The following PCDH9 variants were observed in gnomAD, a reference collection of about 807,000 sequenced individuals.
The protein encoded by PCDH9 is protocadherin 9.
In PCDH9, 24 loss-of-function variants were observed where a neutral mutation model predicts 70.6. The observed-to-expected ratio is 0.34, with a 90% confidence interval of 0.25 to 0.48. The LOEUF (loss-of-function observed/expected upper bound fraction) is 0.48. PCDH9 is among the 20% of genes least tolerant of loss of function. PCDH9 has a pLI of 0.99. For missense variants in PCDH9, 1,281 were observed against 1,503.6 expected (o/e 0.85, Z 2.45); for synonymous variants, 562 against 558.5 (o/e 1.01, Z -0.09).
intron 3 of PCDH9, among the ~76,000 whole-genome samples, chr13:66,878,541 TA>T (rs1310483530): frequency 6.6e-6 from 1 of 152,128 alleles, no homozygotes; most frequent in Non-Finnish European, 1.5e-5. Context: ...CTAATTTTTT[TA>T]AAAAGAAAAA....
intron 3 of PCDH9, among the ~76,000 whole-genome samples, chr13:66,845,680 C>CA (rs2081195629): frequency 6.6e-6 from 1 of 152,122 alleles, no homozygotes; most frequent in African/African-American, 2.4e-5. Flanking sequence ...GACACAGTGC[C>CA]AACTGCACCT....
chr13:66,630,043 A>G (rs1315156634), intron 4 of PCDH9, among the ~76,000 whole-genome samples: 1 of 152,276 alleles, frequency 6.6e-6, no homozygotes, highest in East Asian at 1.9e-4. Context: ...AAACAATAAG[A>G]AGCAAAATAG....
At chr13:66,485,280 C>CT (rs1179087737) in intron 4 of PCDH9, among the ~76,000 whole-genome samples, 5 of 152,098 alleles carry the variant, frequency 3.3e-5, no homozygotes, top group Non-Finnish European at 5.9e-5. Context: ...CCTTCACAGT[C>CT]TTTTCATGTA....
Position 67,225,587 on chromosome 13 carries a change from G to C in PCDH9, c.2854C>G (p.Pro952Ala), listed in dbSNP as rs1457669813. The C allele has an allele frequency of 6.2e-7, 1 of 1,614,008 alleles. No homozygotes were observed. Among genetic ancestry groups the C allele is most frequent in the Non-Finnish European group, 8.5e-7 (1 of 1,180,014 alleles). Residue 952 changes from proline to alanine, a missense_variant, in exon 2 of 5, where the codon CCA becomes GCA. Physicochemically the swap from Pro to Ala is conservative, Grantham distance 27. Around this residue, in one of 4 missense-constraint regions of PCDH9, gnomAD observed 207 missense variants for 191.8 expected, o/e 1.08. Transcript: ENST00000377865. ...ASPQPAFHLKPDTPVSVKKHH... is the reference protein window; with the variant it reads ...ASPQPAFHLKADTPVSVKKHH... ...TTTTTCACGGAAACTGGAGTGTCTG[G>C]TTTGAGATGAAAAGCAGGCTGTGGA... is the stretch of plus-strand genomic sequence containing the variant.
chr13:66,325,735 T>C (rs554035673), intron 4 of PCDH9, among the ~76,000 whole-genome samples: 37 of 151,158 alleles, frequency 2.4e-4, no homozygotes, highest in Non-Finnish European at 2.5e-4. Context: ...AGGTCACTCT[T>C]ATTTTATTCA....
intron 4 of PCDH9, among the ~76,000 whole-genome samples, chr13:66,461,615 A>G (rs1958427098): frequency 6.6e-6 from 1 of 151,544 alleles, no homozygotes; most frequent in Non-Finnish European, 1.5e-5. Context: ...AGATACCATG[A>G]CATTAAAGCA....
intron 2 of PCDH9, among the ~76,000 whole-genome samples, chr13:67,068,894 C>T (rs899221401): frequency 1.3e-5 from 2 of 152,186 alleles, no homozygotes; most frequent in African/African-American, 2.4e-5. Context: ...TCACATGTTA[C>T]TTTCTTGTCA....
chr13:67,054,515 T>C (rs2085381274), intron 2 of PCDH9, among the ~76,000 whole-genome samples: 1 of 152,204 alleles, frequency 6.6e-6, no homozygotes, highest in African/African-American at 2.4e-5. Flanking sequence ...CCTCAGAAAT[T>C]AGATAAATTA....
chr13:67,099,724 C>G (rs1454709197), intron 2 of PCDH9, among the ~76,000 whole-genome samples: 1 of 152,136 alleles, frequency 6.6e-6, no homozygotes, highest in Admixed American at 6.6e-5. Flanking sequence ...GGCTGACACT[C>G]CGGCCCAGAT....
At chr13:66,404,880 A>T (rs267329) in intron 4 of PCDH9, among the ~76,000 whole-genome samples, 147,645 of 152,276 alleles carry the variant, frequency 0.97, 71,623 homozygotes, top group Non-Finnish European at 0.99. Context: ...TGGGAATTGT[A>T]GAAACATTCC....
chr13:66,779,841 C>A (rs1205466352), intron 3 of PCDH9, among the ~76,000 whole-genome samples: 274 of 26,096 alleles, frequency 0.01, 1 homozygote, highest in South Asian at 0.039. Context: ...CTCTCTCTCT[C>A]TCTCTCTCTA....
intron 4 of PCDH9, among the ~76,000 whole-genome samples, chr13:66,629,602 T>C (rs778455653): frequency 6.6e-5 from 10 of 152,202 alleles, no homozygotes; most frequent in Non-Finnish European, 8.8e-5. Flanking sequence ...GGTTTTTTCC[T>C]TGGGTATGTC....
At chr13:67,189,094 T>G (rs2088839380) in intron 2 of PCDH9, among the ~76,000 whole-genome samples, 1 of 151,782 alleles carries the variant, frequency 6.6e-6, no homozygotes, top group African/African-American at 2.4e-5. Context: ...TCCAATCCCA[T>G]CCAGGTTGCT....
At chr13:67,165,963 A>T (rs2088105235) in intron 2 of PCDH9, among the ~76,000 whole-genome samples, 1 of 152,212 alleles carries the variant, frequency 6.6e-6, no homozygotes, top group South Asian at 2.1e-4. Flanking sequence ...AGATGTATCT[A>T]TTACAAGTAA....
intron 4 of PCDH9, among the ~76,000 whole-genome samples, chr13:66,382,924 C>G (rs9599108): frequency 2.6e-5 from 4 of 151,916 alleles, no homozygotes; most frequent in Non-Finnish European, 5.9e-5. Flanking sequence ...CCCAGCTATT[C>G]GGGAGGCTGA....
chr13:66,772,812 T>C (rs562166651), intron 3 of PCDH9, among the ~76,000 whole-genome samples: 29 of 152,224 alleles, frequency 1.9e-4, no homozygotes, highest in Non-Finnish European at 3.2e-4. Context: ...AGCATACCAA[T>C]GTCACTGGGC....
chr13:66,782,757 G>C (rs1358995687), intron 3 of PCDH9: 1 of 151,984 alleles, frequency 6.6e-6, no homozygotes, highest in Non-Finnish European at 1.5e-5. Context: ...CATTGGTCTG[G>C]AGTTTATTCA....
chr13:66,888,452 G>T (rs1396800567), intron 3 of PCDH9, among the ~76,000 whole-genome samples: 1 of 151,544 alleles, frequency 6.6e-6, no homozygotes, highest in Non-Finnish European at 1.5e-5. Context: ...AGGCTGCAGT[G>T]AGCCATGATC....
intron 4 of PCDH9, among the ~76,000 whole-genome samples, chr13:66,324,516 A>G (rs1185519989): frequency 6.6e-6 from 1 of 152,046 alleles, no homozygotes; most frequent in Admixed American, 6.6e-5. Flanking sequence ...AGTTATTGAT[A>G]GAGAATATTA....
Sources: allele counts gnomAD v4.1 joint callset (sites outside exome capture counted in the v4.1 genomes callset), GRCh38; gene constraint gnomAD v4.1.1; regional missense constraint gnomAD v4.1.1; transcripts MANE v1.5; gene names NCBI Gene and HGNC (gene_info 2026-07-23, HGNC 2026-07-21).